Variants in DAPK2 observed in about 807,000 individuals in gnomAD.
DAPK2 encodes death-associated protein kinase 2.
DAPK2 carries 35 observed loss-of-function variants against 44.1 expected under a neutral mutation model. That is an observed-to-expected ratio of 0.79 (90% CI 0.61 to 1.05). The LOEUF (loss-of-function observed/expected upper bound fraction) is 1.05, where lower values mean the gene tolerates loss of function less well. Among genes scored for constraint, DAPK2 ranks in the 50% least tolerant of loss-of-function variants. DAPK2 has a pLI of 0.00. For missense variants in DAPK2, 453 were observed against 483.2 expected (o/e 0.94, Z 0.59); for synonymous variants, 174 against 182.6 (o/e 0.95, Z 0.38).
chr15:64,022,301 G>C (rs1288348341), intron 1 of DAPK2, among the ~76,000 whole-genome samples: 1 of 152,146 alleles, frequency 6.6e-6, no homozygotes, highest in East Asian at 1.9e-4. Context: ...AAATAGTTTA[G>C]GTTATTTTCT....
At chr15:63,930,548 T>A in intron 4 of DAPK2, 93 bp from the exon 6 acceptor site, 1 of 1,167,012 alleles carries the variant, frequency 8.6e-7, no homozygotes, top group Non-Finnish European at 1.3e-6. Flanking sequence ...GCCAAATATC[T>A]CCATCCTGAA....
intron 4 of DAPK2, among the ~76,000 whole-genome samples, chr15:63,935,107 C>G (rs1321228285): frequency 3.6e-5 from 2 of 56,086 alleles, no homozygotes; most frequent in East Asian, 1.9e-3. Flanking sequence ...TTTTTTTTTC[C>G]TGATACACGG....
At chr15:63,946,706 C>T (rs1368032800) in intron 3 of DAPK2, among the ~76,000 whole-genome samples, 1 of 152,152 alleles carries the variant, frequency 6.6e-6, no homozygotes, top group Non-Finnish European at 1.5e-5. Context: ...GGTCACTGAG[C>T]AAGGACCTCC....
intron 1 of DAPK2, among the ~76,000 whole-genome samples, chr15:64,035,250 G>A (rs533067179): frequency 1.3e-5 from 2 of 152,148 alleles, no homozygotes; most frequent in Admixed American, 6.5e-5. Context: ...TGCTGCTTAC[G>A]TTAAATTACT....
At chr15:64,018,908 G>A (rs1034058108) in intron 1 of DAPK2, among the ~76,000 whole-genome samples, 1 of 152,196 alleles carries the variant, frequency 6.6e-6, no homozygotes, top group Non-Finnish European at 1.5e-5. Flanking sequence ...AGGGCCTGCT[G>A]CTGACTGCCT....
chr15:63,925,091 C>T (rs1595715159), intron 7 of DAPK2, among the ~76,000 whole-genome samples: 1 of 152,246 alleles, frequency 6.6e-6, no homozygotes. Context: ...TTACCTACAC[C>T]CATACTATTA....
At chr15:63,943,146 A>G (rs1281405784) in intron 3 of DAPK2, among the ~76,000 whole-genome samples, 2 of 150,896 alleles carry the variant, frequency 1.3e-5, no homozygotes, top group Non-Finnish European at 2.9e-5. Flanking sequence ...AAGACTAGCC[A>G]GGTGTGGTGG....
chr15:63,975,904 C>T (rs1208666496), intron 2 of DAPK2, among the ~76,000 whole-genome samples: 1 of 152,176 alleles, frequency 6.6e-6, no homozygotes, highest in Non-Finnish European at 1.5e-5. Flanking sequence ...CCAGATGATT[C>T]TTATATGGCT....
At chr15:63,913,058 G>A (rs1269901867) in intron 8 of DAPK2, among the ~76,000 whole-genome samples, 1 of 151,966 alleles carries the variant, frequency 6.6e-6, no homozygotes, top group Admixed American at 6.6e-5. Flanking sequence ...TTACAACACG[G>A]ATGAACCTTA....
chr15:63,963,963 T>C (rs1567236105), intron 3 of DAPK2, among the ~76,000 whole-genome samples: 1 of 152,262 alleles, frequency 6.6e-6, no homozygotes, highest in Non-Finnish European at 1.5e-5. Context: ...TTAGTCTTTC[T>C]ACTCAAGATA....
Position 63,908,589 on chromosome 15 carries a change from C to G in DAPK2, c.1044G>C (p.Glu348Asp). 6.3e-7 allele frequency: 1 copy of G among 1,598,412 alleles called. No individual in the cohort carries two copies. Residue 348 changes from glutamate (E) to aspartate (D), a missense_variant, in exon 11 of 11, where the codon GAG (glutamate) becomes GAC (aspartate). Transcript: ENST00000261891. The surrounding 1 kb of genome is among the most constrained non-coding windows in gnomAD (Gnocchi z 5.7). ...TGGCGATGTCCTCCTCAGTGTCACT[C>G]TCACAGTTCCTCTGGAGAAAAAAAA...
At chr15:64,035,498 G>A (rs918312814) in intron 1 of DAPK2, among the ~76,000 whole-genome samples, 3 of 152,130 alleles carry the variant, frequency 2.0e-5, no homozygotes, top group Admixed American at 6.5e-5. Flanking sequence ...TGTTTTGTGG[G>A]TCCTTATGAT....
At chr15:64,040,327 T>C, upstream of DAPK2, 1 of 1,333,078 alleles carries the variant, frequency 7.5e-7, no homozygotes, top group Non-Finnish European at 1.1e-6. Context: ...AGCCTAAGAG[T>C]CTAAGGCCTA....
intron 8 of DAPK2, chr15:63,924,556 AG>A (rs2079182986): frequency 6.9e-6 from 3 of 436,748 alleles, no homozygotes; most frequent in East Asian, 7.5e-5. Flanking sequence ...CCAAAGAAAA[AG>A]GGTTTCAACT....
chr15:63,951,194 G>A (rs531893602), intron 3 of DAPK2, among the ~76,000 whole-genome samples: 2 of 152,272 alleles, frequency 1.3e-5, no homozygotes, highest in East Asian at 1.9e-4. Context: ...TCAGGCTTGG[G>A]TGCAGATTGG....
At chr15:63,978,057 G>C (rs1012362998) in intron 2 of DAPK2, among the ~76,000 whole-genome samples, 20 of 152,140 alleles carry the variant, frequency 1.3e-4, no homozygotes, top group African/African-American at 3.4e-4. Context: ...TGCTTCCACA[G>C]CACCTAGTGC....
intron 3 of DAPK2, among the ~76,000 whole-genome samples, chr15:63,941,054 A>G (rs2140459441): frequency 6.6e-6 from 1 of 152,352 alleles, no homozygotes; most frequent in South Asian, 2.1e-4. Flanking sequence ...ATCTCCATAA[A>G]GCTATTAAAT....
chr15:64,018,744 A>G (rs1301696546), intron 1 of DAPK2, among the ~76,000 whole-genome samples: 3 of 152,106 alleles, frequency 2.0e-5, no homozygotes, highest in South Asian at 2.1e-4. Context: ...TCTTACTCCA[A>G]AGGTCCTCAG....
At chr15:63,982,765 C>T (rs1266997047) in intron 2 of DAPK2, among the ~76,000 whole-genome samples, 1 of 152,206 alleles carries the variant, frequency 6.6e-6, no homozygotes, top group East Asian at 1.9e-4. Context: ...CACTTCCTGG[C>T]TATAGGCTCC....
Sources: gnomAD v4.1 joint callset for allele counts (sites outside exome capture counted in the v4.1 genomes callset) on GRCh38, gnomAD v4.1.1 for gene constraint, Gnocchi (gnomAD v3.1) non-coding constraint, MANE v1.5 for transcripts, NCBI Gene and HGNC (gene_info 2026-07-23, HGNC 2026-07-21) for gene names.